TMX2: variants seen among roughly 807,000 people sequenced by gnomAD.
TMX2 encodes the protein thioredoxin related transmembrane protein 2.
A neutral mutation model predicts 33.4 loss-of-function variants in TMX2; 20 were observed. The observed-to-expected ratio is 0.60, with a 90% CI of 0.42 to 0.87. The LOEUF is 0.87. TMX2 is among the 40% of genes least tolerant of loss of function. The pLI, the probability that TMX2 is intolerant of heterozygous loss-of-function variation, is 0.00. For synonymous variants in TMX2, 166 were observed against 140.7 expected, an observed-to-expected ratio of 1.18 and a Z score of -1.27; for missense variants, 340 against 370.7, an observed-to-expected ratio of 0.92 and a Z score of 0.68.
At chr11:57,719,995 A>G (rs1031385272) in intron 1 of TMX2, among the ~76,000 whole-genome samples, 6 of 152,072 alleles carry the variant, frequency 3.9e-5, no homozygotes, top group African/African-American at 1.4e-4. Context: ...AAGACAAAAA[A>G]AAGGTGCCAC....
chr11:57,717,894 C>T (rs1279572389), intron 1 of TMX2: 8 of 602,774 alleles, frequency 1.3e-5, no homozygotes, highest in African/African-American at 3.7e-5. Flanking sequence ...TGTAAGGGAA[C>T]AAGGAAAACA....
intron 1 of TMX2, among the ~76,000 whole-genome samples, chr11:57,732,813 A>G (rs2135590854): frequency 6.6e-6 from 1 of 152,124 alleles, no homozygotes; most frequent in East Asian, 1.9e-4. Context: ...GATCAGCTGA[A>G]CTTTCAGCCT....
In TMX2 at chr11:57,738,978, A is replaced by G; in HGVS notation, c.553A>G (p.Asn185Asp). ...PIYADLSLKY[N>D]CTGLNFGKVD... ...TAAATAATATATTCTTTTCAGATAC[A>G]ACTGTACAGGGCTAAATTTTGGGAA... Residue 185 changes from asparagine to aspartate, a missense_variant, in exon 6 of 8, where the codon AAC (asparagine) becomes GAC (aspartate). Physicochemically the swap from Asn to Asp is conservative, Grantham distance 23. Around this residue, in one of 3 missense-constraint regions of TMX2, gnomAD observed 209 missense variants for 241.6 expected, o/e 0.87. Coordinates refer to ENST00000278422, the MANE Select transcript of TMX2 (RefSeq NM_015959.4). 1 of 1,613,760 alleles carries G rather than the reference A, an allele frequency of 6.2e-7. No homozygotes were observed. Among genetic ancestry groups the G allele is most frequent in the Non-Finnish European group, 8.5e-7 (1 of 1,179,772 alleles).
At chr11:57,726,806 T>C (rs1948029905) in intron 1 of TMX2, among the ~76,000 whole-genome samples, 1 of 152,252 alleles carries the variant, frequency 6.6e-6, no homozygotes. Flanking sequence ...CCTATGGAGA[T>C]AAATTGGCGG....
intron 5 of TMX2, 40 bp downstream of exon 5, chr11:57,738,810 C>G: frequency 6.3e-7 from 1 of 1,575,002 alleles, no homozygotes; most frequent in East Asian, 2.2e-5. Context: ...AATGGAGATG[C>G]TGTGCCTTCC....
chr11:57,717,026 G>T (rs898253953), intron 1 of TMX2, among the ~76,000 whole-genome samples: 4 of 147,986 alleles, frequency 2.7e-5, no homozygotes, highest in Non-Finnish European at 4.4e-5. Flanking sequence ...TCCCAGACGG[G>T]GTCGCGGCCG....
rs1014665706 is a variant in TMX2 at position 57,712,985 on chromosome 11, A to G, written c.189+178A>G. Among the ~76,000 whole-genome samples the G allele has an allele frequency of 4.6e-5, 7 of 152,346 alleles. No individual in the cohort carries two copies. In the South Asian group the frequency reaches 1.2e-3, roughly 27 times the overall value. ...ATCGAGTCTAAACTTTGTGTTTAAG[A>G]TGGGAAAACGGAACATGTTAGTCGT... On this transcript the variant is annotated intron_variant, in intron 1 of 7. Transcript: ENST00000278422.
At chr11:57,724,775 C>T (rs1947866749) in intron 1 of TMX2, among the ~76,000 whole-genome samples, 1 of 152,108 alleles carries the variant, frequency 6.6e-6, no homozygotes, top group African/African-American at 2.4e-5. Context: ...CATGGTGGCT[C>T]ACACCTGTAA....
At chr11:57,729,451 T>C (rs967324561) in intron 1 of TMX2, among the ~76,000 whole-genome samples, 3 of 152,124 alleles carry the variant, frequency 2.0e-5, no homozygotes, top group Admixed American at 6.5e-5. Context: ...TTAATAGCTA[T>C]GGGAACTGTG....
chr11:57,718,215 G>C, intron 1 of TMX2: 1 of 1,414,632 alleles, frequency 7.1e-7, no homozygotes, highest in Non-Finnish European at 1.0e-6. Flanking sequence ...GGAACCTTTT[G>C]TGTTGGGTCC....
At chr11:57,728,996 A>G (rs1306414413) in intron 1 of TMX2, among the ~76,000 whole-genome samples, 1 of 152,086 alleles carries the variant, frequency 6.6e-6, no homozygotes, top group Non-Finnish European at 1.5e-5. Context: ...GGAGAGAGAC[A>G]CTTAAGAGGG....
intron 1 of TMX2, among the ~76,000 whole-genome samples, chr11:57,736,804 C>G (rs1430950727): frequency 6.6e-6 from 1 of 150,654 alleles, no homozygotes; most frequent in Non-Finnish European, 1.5e-5. Flanking sequence ...AGGAGAAACA[C>G]AAGCCCAGGT....
chr11:57,719,795 GGCATGAACTACT>G (rs939760240), intron 1 of TMX2, among the ~76,000 whole-genome samples: 5 of 152,054 alleles, frequency 3.3e-5, no homozygotes, highest in East Asian at 3.9e-4. Flanking sequence ...TGGGACTATA[GGCATGAACTACT>G]GCACCCTGCC....
intron 1 of TMX2, among the ~76,000 whole-genome samples, chr11:57,715,343 G>A (rs1429723304): frequency 1.3e-5 from 2 of 152,148 alleles, no homozygotes; most frequent in Non-Finnish European, 2.9e-5. Flanking sequence ...AGAGGTTGCA[G>A]TGAGCCAGGA....
chr11:57,731,543 A>G (rs2135583097), intron 1 of TMX2, among the ~76,000 whole-genome samples: 1 of 150,908 alleles, frequency 6.6e-6, no homozygotes, highest in Middle Eastern at 3.4e-3. Context: ...CCTTGGGCAC[A>G]TATTCTCAGG....
intron 1 of TMX2, among the ~76,000 whole-genome samples, chr11:57,734,452 A>G (rs1249931661): frequency 6.6e-6 from 1 of 152,164 alleles, no homozygotes; most frequent in Non-Finnish European, 1.5e-5. Context: ...ACTCTCTTTT[A>G]AAATTCATCT....
intron 1 of TMX2, among the ~76,000 whole-genome samples, chr11:57,719,116 A>G (rs183825917): frequency 2.8e-4 from 39 of 139,910 alleles, no homozygotes; most frequent in Non-Finnish European, 4.6e-4. Context: ...GCTCACTGCA[A>G]CCTCCATCTC....
At chr11:57,719,334 C>T (rs1052743200) in intron 1 of TMX2, among the ~76,000 whole-genome samples, 4 of 151,516 alleles carry the variant, frequency 2.6e-5, no homozygotes, top group African/African-American at 9.7e-5. Context: ...CGTGCCTGGC[C>T]AATTTTTTTA....
Position 57,738,039 on chromosome 11 carries a change from C to CCTTT in TMX2, c.364+22_364+25dup. The CCTTT allele has an allele frequency of 1.3e-6, 2 of 1,556,906 alleles. No individual in the cohort carries two copies. The highest frequency in any genetic ancestry group is 1.7e-6 in the Non-Finnish European group (2 of 1,153,408). ...ACACTCTGCATAGGTGAGGAGACTG[C>CCTTT]CTTTCTTTCTTTTTTTTTTTTTGTA... On this transcript the variant is annotated intron_variant, in intron 3 of 7. Coordinates refer to ENST00000278422, the MANE Select transcript of TMX2 (RefSeq NM_015959.4).
Sources: gnomAD v4.1 joint callset for allele counts (sites outside exome capture counted in the v4.1 genomes callset) on GRCh38, gnomAD v4.1.1 for gene constraint, gnomAD v4.1.1 regional missense constraint, MANE v1.5 for transcripts, NCBI Gene and HGNC (gene_info 2026-07-23, HGNC 2026-07-21) for gene names.